Variants in LIPA observed in about 807,000 individuals in gnomAD.
LIPA encodes lysosomal acid lipase/cholesteryl ester hydrolase.
A neutral mutation model predicts 40.6 loss-of-function variants in LIPA; 26 were observed. The ratio of observed to expected loss-of-function variants is 0.64; its 90% CI spans 0.47 to 0.89. The LOEUF is 0.89. LIPA is among the 40% of genes least tolerant of loss of function. The pLI, the probability that LIPA is intolerant of heterozygous loss-of-function variation, is 0.00. For missense variants in LIPA, 455 were observed against 479.6 expected, an observed-to-expected ratio of 0.95 and a Z score of 0.48; for synonymous variants, 188 against 168.4, an observed-to-expected ratio of 1.12 and a Z score of -0.90.
At chr10:89,289,631 A>G (rs1185458583) in intron 1 of LIPA, among the ~76,000 whole-genome samples, 1 of 152,006 alleles carries the variant, frequency 6.6e-6, no homozygotes, top group Non-Finnish European at 1.5e-5. Context: ...CTAATAACGA[A>G]CCGGCCTTTA....
At chr10:89,236,592 T>C (rs972856114) in intron 3 of LIPA, among the ~76,000 whole-genome samples, 6 of 152,146 alleles carry the variant, frequency 3.9e-5, no homozygotes, top group African/African-American at 1.2e-4. Context: ...ATATGTGTCA[T>C]AGATTGAGGT....
Position 89,247,667 on chromosome 10 carries a change from CTAT to C in LIPA, c.-1-21_-1-19del. 7 of 1,506,012 alleles carry C rather than the reference CTAT, an allele frequency of 4.6e-6. No individual in the cohort carries two copies. Among genetic ancestry groups the C allele is most frequent in the Non-Finnish European group, 5.5e-6 (6 of 1,081,940 alleles). The allele number at this position is 1,506,012 out of a possible 1,614,324, so 93.3% of individuals were successfully genotyped here. A position where few individuals can be genotyped will look rare whatever the true frequency, so the allele number is the denominator to read the frequency against. ...TTTTCATTCTGTATAATAAAACAGTCTATTATTATTTGCTTGAATTTTACTACA... is the reference window on the plus strand; with the variant it reads ...TTTTCATTCTGTATAATAAAACAGTCTATTATTTGCTTGAATTTTACTACA... On this transcript the variant is annotated intron_variant, in intron 1 of 9. Coordinates refer to ENST00000336233, the MANE Select transcript of LIPA (RefSeq NM_000235.4).
intron 2 of LIPA, among the ~76,000 whole-genome samples, chr10:89,375,288 C>A (rs1844113638): frequency 6.6e-6 from 1 of 152,182 alleles, no homozygotes; most frequent in South Asian, 2.1e-4. Flanking sequence ...CCATTAATGA[C>A]CCCAGGTAGT....
At chr10:89,352,781 A>T (rs1252009829) in intron 2 of LIPA, among the ~76,000 whole-genome samples, 1 of 119,574 alleles carries the variant, frequency 8.4e-6, no homozygotes, top group Admixed American at 8.8e-5. Context: ...TGAGATAACT[A>T]CAAAGATAAA....
chr10:89,367,439 C>T (rs761233550), intron 2 of LIPA, among the ~76,000 whole-genome samples: 2 of 152,234 alleles, frequency 1.3e-5, no homozygotes, highest in Non-Finnish European at 2.9e-5. Context: ...TTCTAAACCA[C>T]TTCTTATTCT....
intron 1 of LIPA, among the ~76,000 whole-genome samples, chr10:89,341,365 G>A (rs1255304261): frequency 2.0e-5 from 3 of 152,286 alleles, no homozygotes; most frequent in South Asian, 2.1e-4. Flanking sequence ...CATCTGACAC[G>A]GTGAGCTCCA....
intron 1 of LIPA, among the ~76,000 whole-genome samples, chr10:89,304,699 A>G (rs901589481): frequency 1.3e-5 from 2 of 152,208 alleles, no homozygotes; most frequent in African/African-American, 4.8e-5. Flanking sequence ...TTTATCTCCA[A>G]AGTAATTCGA....
At chr10:89,227,713 A>C (rs1842788225) in intron 4 of LIPA, among the ~76,000 whole-genome samples, 1 of 152,194 alleles carries the variant, frequency 6.6e-6, no homozygotes, top group African/African-American at 2.4e-5. Context: ...CTCTCCTTTA[A>C]GCCCCCAGTG....
chr10:89,283,155 C>T (rs1293705761), intron 1 of LIPA, among the ~76,000 whole-genome samples: 1 of 152,232 alleles, frequency 6.6e-6, no homozygotes, highest in Non-Finnish European at 1.5e-5. Context: ...AGACTGTAAC[C>T]TACTCCTGTG....
chr10:89,320,532 A>G (rs1481933413), intron 1 of LIPA, among the ~76,000 whole-genome samples: 1 of 152,230 alleles, frequency 6.6e-6, no homozygotes, highest in African/African-American at 2.4e-5. Flanking sequence ...GACCTCTTCA[A>G]GCAGAACTAC....
rs567801219 is a variant in LIPA at position 89,287,338 on chromosome 10, G to A, written c.-1-39689C>T. ...TCCCTTGCCTCCATAACTGTTGTGG[G>A]TATTGACGGCCAGGCTTCTAAACCT... On this transcript the variant is annotated intron_variant, in intron 1 of 5. Transcript: ENST00000282673. Among the ~76,000 whole-genome samples, 140 of 152,238 alleles carry A rather than the reference G, an allele frequency of 9.2e-4. 1 individual carries two copies. The highest frequency in any genetic ancestry group is 3.2e-3 in the African/African-American group (134 of 41,528).
intron 3 of LIPA, among the ~76,000 whole-genome samples, chr10:89,241,107 G>T (rs1168222555): frequency 6.6e-6 from 1 of 152,168 alleles, no homozygotes; most frequent in African/African-American, 2.4e-5. Context: ...CCCTGAAGAT[G>T]TGAAAATTAG....
chr10:89,233,699 AGGCCAGCCT>A (rs971591138), intron 3 of LIPA, among the ~76,000 whole-genome samples: 18 of 152,172 alleles, frequency 1.2e-4, no homozygotes, highest in Non-Finnish European at 1.5e-5. Context: ...CAAGAGTTTG[AGGCCAGCCT>A]GGCCAGCATG....
intron 1 of LIPA, among the ~76,000 whole-genome samples, chr10:89,291,426 T>G (rs1394469253): frequency 6.6e-6 from 1 of 152,236 alleles, no homozygotes; most frequent in Non-Finnish European, 1.5e-5. Flanking sequence ...ATTTTGTGAT[T>G]TGTTGCCACA....
intron 2 of LIPA, 142 bp from the exon 3 acceptor site, chr10:89,245,935 G>A: frequency 1.4e-6 from 1 of 701,818 alleles, no homozygotes; most frequent in South Asian, 1.5e-5. Context: ...GCTAAATCTA[G>A]TAGCCAACTT....
At chr10:89,339,556 AG>A in intron 1 of LIPA, 1 of 1,614,204 alleles carries the variant, frequency 6.2e-7, no homozygotes, top group Non-Finnish European at 8.5e-7. Context: ...ATCTGAAGCT[AG>A]TGGAAATAAA....
intron 2 of LIPA, among the ~76,000 whole-genome samples, chr10:89,400,765 C>G (rs1311291474): frequency 6.6e-6 from 1 of 152,134 alleles, no homozygotes; most frequent in Admixed American, 6.5e-5. Flanking sequence ...CTTTTTCATT[C>G]CTAATTGCTC....
intron 1 of LIPA, among the ~76,000 whole-genome samples, chr10:89,324,563 A>G (rs1453806593): frequency 6.6e-6 from 1 of 152,194 alleles, no homozygotes; most frequent in Non-Finnish European, 1.5e-5. Flanking sequence ...AAAAGAAACT[A>G]TCAACAGAGT....
chr10:89,315,486 A>G (rs535324155), intron 1 of LIPA, among the ~76,000 whole-genome samples: 2 of 152,292 alleles, frequency 1.3e-5, no homozygotes, highest in South Asian at 4.1e-4. Flanking sequence ...AAACGCTTCT[A>G]GCTAACAATT....
Sources: gnomAD v4.1 joint callset for allele counts (sites outside exome capture counted in the v4.1 genomes callset) on GRCh38, gnomAD v4.1.1 for gene constraint, MANE v1.5 for transcripts, NCBI Gene and HGNC (gene_info 2026-07-23, HGNC 2026-07-21) for gene names.